MGRN1: variants seen among roughly 807,000 people sequenced by gnomAD.
MGRN1 encodes E3 ubiquitin-protein ligase MGRN1.
A neutral mutation model predicts 69.2 loss-of-function variants in MGRN1; 29 were observed. The observed-to-expected ratio is 0.42, with a 90% CI of 0.31 to 0.57. The LOEUF (loss-of-function observed/expected upper bound fraction) is 0.57, where lower values mean the gene tolerates loss of function less well. MGRN1 is among the 20% of genes least tolerant of loss of function. The pLI is 0.15. For synonymous variants in MGRN1, 470 were observed against 344.2 expected, an observed-to-expected ratio of 1.37 and a Z score of -4.04; for missense variants, 998 against 796.2, an observed-to-expected ratio of 1.25 and a Z score of -3.05.
intron 16 of MGRN1, chr16:4,686,460 C>T: frequency 2.1e-6 from 3 of 1,417,546 alleles, no homozygotes; most frequent in Middle Eastern, 2.6e-4. Context: ...CAGAGCTCTC[C>T]AGTGGCTGCT....
intron 16 of MGRN1, chr16:4,688,319 CTT>C (rs2079380225): frequency 1.0e-6 from 1 of 987,704 alleles, no homozygotes. Flanking sequence ...AGGCTCCTCT[CTT>C]TGCCTTGCAG....
chr16:4,664,594 G>T, intron 5 of MGRN1, 115 bp from the exon 6 acceptor site: 1 of 1,076,390 alleles, frequency 9.3e-7, no homozygotes, highest in Non-Finnish European at 1.4e-6. Flanking sequence ...TGTCCTCTGA[G>T]CTCTGCTGCT....
chr16:4,659,813 A>G (rs978087985), intron 5 of MGRN1, among the ~76,000 whole-genome samples: 4 of 149,994 alleles, frequency 2.7e-5, no homozygotes, highest in African/African-American at 9.9e-5. Flanking sequence ...GATTCAGAGA[A>G]GGCTGGGTGG....
At position 4,660,622 on chromosome 16, in the gene MGRN1, G is replaced by T. The variant is rs535723502; in HGVS notation, c.561+3259G>T. Reference sequence around the variant, plus strand: ...TGGGCAGGGGCGCGGGGGTGGATGCGCTCCAGAAAGCTCTGCCTCCCCCGT... The same window carrying T: ...TGGGCAGGGGCGCGGGGGTGGATGCTCTCCAGAAAGCTCTGCCTCCCCCGT... On this transcript the variant is annotated intron_variant, in intron 5 of 16. Transcript: ENST00000262370. Among the ~76,000 whole-genome samples, 352 of 152,362 alleles carry T rather than the reference G, an allele frequency of 2.3e-3. 1 individual carries two copies. Among genetic ancestry groups the T allele is most frequent in the Non-Finnish European group, 4.2e-3 (289 of 68,028 alleles).
At chr16:4,687,524 A>ACGGGGGGGGCC in intron 16 of MGRN1, 2 of 980,854 alleles carry the variant, frequency 2.0e-6, no homozygotes, top group African/African-American at 3.6e-5. Context: ...AAAAAAATAC[A>ACGGGGGGGGCC]CACACACCCA....
intron 4 of MGRN1, among the ~76,000 whole-genome samples, chr16:4,655,674 G>C (rs372982959): frequency 6.6e-5 from 10 of 152,126 alleles, no homozygotes; most frequent in African/African-American, 2.4e-4. Context: ...CTCAGGACGC[G>C]GTGCAAGGCC....
chr16:4,672,729 T>TGGAC (rs1206565829), intron 9 of MGRN1, among the ~76,000 whole-genome samples: 1 of 152,258 alleles, frequency 6.6e-6, no homozygotes, highest in Non-Finnish European at 1.5e-5. Flanking sequence ...GCCTAGTTTG[T>TGGAC]GGACACCTGT....
intron 11 of MGRN1, among the ~76,000 whole-genome samples, chr16:4,679,218 C>A (rs764271542): frequency 9.9e-5 from 15 of 152,166 alleles, no homozygotes; most frequent in Admixed American, 9.8e-4. Flanking sequence ...AGGGAGTGAT[C>A]GATGCTCAGG....
At chr16:4,687,637 G>C (rs2079362403) in intron 16 of MGRN1, 1 of 983,838 alleles carries the variant, frequency 1.0e-6, no homozygotes, top group Non-Finnish European at 1.2e-6. Flanking sequence ...AGCTCCAGGA[G>C]TGCCACCAAA....
intron 4 of MGRN1, among the ~76,000 whole-genome samples, chr16:4,654,422 C>T (rs1348889398): frequency 6.6e-6 from 1 of 152,166 alleles, no homozygotes; most frequent in Non-Finnish European, 1.5e-5. Context: ...TCCTTCTGGC[C>T]CTGAAAGTTT....
At chr16:4,684,029 C>G (rs1000701609) in intron 16 of MGRN1, 97 bp downstream of exon 16, 1 of 1,077,412 alleles carries the variant, frequency 9.3e-7, no homozygotes, top group Non-Finnish European at 1.3e-6. Context: ...GCAGCAGAGG[C>G]TGTCCATTGG....
intron 1 of MGRN1, among the ~76,000 whole-genome samples, chr16:4,647,263 G>A (rs1330558603): frequency 6.6e-6 from 1 of 152,232 alleles, no homozygotes; most frequent in Non-Finnish European, 1.5e-5. Context: ...CCATGACTGG[G>A]GCTTGAGGTT....
Position 4,624,952 on chromosome 16 carries a change from C to T in MGRN1, c.-9C>T, listed in dbSNP as rs1263539341. The stretch of plus-strand genomic sequence containing the variant: ...GCCCTGGCCCCTCTGCCCGGCAGCG[C>T]CGCGCACCATGGGCTCCATTCTCAG... On this transcript the variant is annotated 5_prime_UTR_variant, in exon 1 of 17. Transcript: ENST00000262370. 1.9e-6 allele frequency: 3 copies of T among 1,538,470 alleles called. No homozygotes were observed. Among genetic ancestry groups the T allele is most frequent in the Non-Finnish European group, 2.6e-6 (3 of 1,145,306 alleles).
intron 16 of MGRN1, 85 bp downstream of exon 16, chr16:4,684,017 T>A: frequency 8.4e-7 from 1 of 1,190,486 alleles, no homozygotes; most frequent in Non-Finnish European, 1.2e-6. Context: ...GGTCGGTGCA[T>A]AGCAGCAGAG....
intron 1 of MGRN1, among the ~76,000 whole-genome samples, chr16:4,643,070 C>G (rs990991557): frequency 5.3e-5 from 8 of 152,148 alleles, no homozygotes; most frequent in African/African-American, 9.7e-5. Context: ...ATTCTCGTGC[C>G]TCAGCCTCCT....
rs557751388 is a variant in MGRN1, at chr16:4,625,252, C to G, written c.88+204C>G. Among the ~76,000 whole-genome samples, 12 of 152,288 alleles carry G rather than the reference C, an allele frequency of 7.9e-5. No individual in the cohort carries two copies. The East Asian group carries it at 9.7e-4, about 12-fold the overall frequency. On this transcript the variant is annotated intron_variant, in intron 1 of 16. Coordinates refer to ENST00000262370, the MANE Select transcript of MGRN1 (RefSeq NM_015246.4). ...AGGAACCTGCCCGAGCCGTACCTGG[C>G]GCTGCTACTGCCCGGCTTGGGTGAC...
At chr16:4,625,692 G>C (rs969463923) in intron 1 of MGRN1, among the ~76,000 whole-genome samples, 13 of 152,252 alleles carry the variant, frequency 8.5e-5, no homozygotes, top group Non-Finnish European at 4.4e-5. Flanking sequence ...ATCTCAGCTG[G>C]ATGGAAGCAT....
At chr16:4,664,805 C>T (rs1430153128) in intron 6 of MGRN1, 30 bp downstream of exon 6, 18 of 1,609,592 alleles carry the variant, frequency 1.1e-5, no homozygotes, top group East Asian at 2.2e-5. Flanking sequence ...TCCTCCTGGG[C>T]GTGCAGGCCG....
At chr16:4,684,254 C>G (rs2079256609) in intron 16 of MGRN1, among the ~76,000 whole-genome samples, 1 of 152,256 alleles carries the variant, frequency 6.6e-6, no homozygotes, top group Non-Finnish European at 1.5e-5. Context: ...GTCCTTTTCC[C>G]TCTGCCTGCT....
Sources: gnomAD v4.1 joint callset for allele counts (sites outside exome capture counted in the v4.1 genomes callset) on GRCh38, gnomAD v4.1.1 for gene constraint, MANE v1.5 for transcripts, NCBI Gene and HGNC (gene_info 2026-07-23, HGNC 2026-07-21) for gene names.